The following PLBD2 variants were observed in gnomAD, a reference collection of about 807,000 sequenced individuals.
PLBD2 encodes putative aminopeptidase PLBD2.
In PLBD2, 51 loss-of-function variants were observed where a neutral mutation model predicts 68.3. The observed-to-expected ratio is 0.75, with a 90% CI of 0.60 to 0.94. The LOEUF (loss-of-function observed/expected upper bound fraction) is 0.94, where lower values mean the gene tolerates loss of function less well. Among genes scored for constraint, PLBD2 ranks in the 40% least tolerant of loss-of-function variants. PLBD2 has a pLI of 0.00. For missense variants in PLBD2, 729 were observed against 792.2 expected, an observed-to-expected ratio of 0.92 and a Z score of 0.96; for synonymous variants, 314 against 339.3, an observed-to-expected ratio of 0.93 and a Z score of 0.82.
Position 113,384,368 on chromosome 12 carries a change from C to T in PLBD2, c.1118+103C>T. 2 of 1,388,830 alleles carry T rather than the reference C, an allele frequency of 1.4e-6. No individual in the cohort carries two copies. Among genetic ancestry groups the T allele is most frequent in the South Asian group, 1.4e-5 (1 of 73,106 alleles). 86.0% of individuals were successfully genotyped at this position (1,388,830 alleles called of 1,614,324 possible). A position where few individuals can be genotyped will look rare whatever the true frequency, so the allele number is the denominator to read the frequency against. ...GGGACCAGATGTGGCATCCGGGCCA[C>T]ACACCCCACGCCCTCCTTTGTTTCA... On this transcript the variant is annotated intron_variant, in intron 7 of 11. Transcript: ENST00000280800. This position sits in a 1 kb window ranked among gnomAD's most constrained non-coding sequence, Gnocchi z 4.2.
Position 113,380,747 on chromosome 12 carries a change from G to T in PLBD2, c.862G>T (p.Asp288Tyr). Reference protein sequence around the residue: ...WLQFREGPWGDYPLVPGNKLV... With the variant: ...WLQFREGPWGYYPLVPGNKLV... ...CCTGGCTCGCTCTGCCTGCACAGGG[G>T]ACTACCCGCTGGTTCCCGGCAACAA... The change falls in exon 6 of 12, where the codon GAC becomes TAC. Residue 288 changes from aspartate to tyrosine, a missense_variant and splice_region_variant. Transcript: ENST00000280800. 6.5e-7 allele frequency: 1 copy of T among 1,549,540 alleles called. No homozygotes were observed. Among genetic ancestry groups the T allele is most frequent in the Non-Finnish European group, 8.7e-7 (1 of 1,147,102 alleles).
At chr12:113,370,912 C>T (rs571481367) in intron 2 of PLBD2, among the ~76,000 whole-genome samples, 1 of 152,128 alleles carries the variant, frequency 6.6e-6, no homozygotes, top group African/African-American at 2.4e-5. Context: ...AACCAGTGGC[C>T]CAAAGGCAGA....
intron 6 of PLBD2, among the ~76,000 whole-genome samples, chr12:113,383,043 C>T (rs1037020510): frequency 6.6e-6 from 1 of 151,918 alleles, no homozygotes; most frequent in Non-Finnish European, 1.5e-5. Flanking sequence ...TTTTAACTCA[C>T]AAGAACTAAG....
intron 2 of PLBD2, among the ~76,000 whole-genome samples, chr12:113,369,515 G>A (rs1360620331): frequency 6.6e-6 from 1 of 152,098 alleles, no homozygotes; most frequent in East Asian, 1.9e-4. Context: ...CAAAAGTAAG[G>A]GAGTAGGCAC....
Position 113,372,592 on chromosome 12 carries a change from C to T in PLBD2, c.385-57C>T. On this transcript the variant is annotated intron_variant, in intron 2 of 11. Transcript: ENST00000280800. The surrounding 1 kb of genome is among the most constrained non-coding windows in gnomAD (Gnocchi z 4.2). ...TGGGGCAGCCTGGGTGGGGGGCTCT[C>T]AGGGAAGAGAGCACCCCAGCTGCCC... is the stretch of plus-strand genomic sequence containing the variant. 6.4e-7 allele frequency: 1 copy of T among 1,573,034 alleles called. No individual in the cohort carries two copies. Among genetic ancestry groups the T allele is most frequent in the East Asian group, 2.3e-5 (1 of 44,388 alleles).
chr12:113,384,157 T>A lies in PLBD2; in HGVS notation c.1010T>A (p.Val337Glu). ...GNKNPALWKYVRPRGCVLEWV... is the reference protein window; with the variant it reads ...GNKNPALWKYERPRGCVLEWV... ...AAGAACCCAGCCCTGTGGAAGTATG[T>A]GCGGCCCAGGGGCTGTGTGCTGGAG... The change falls in exon 7 of 12, where the codon GTG (valine) becomes GAG (glutamate). Residue 337 changes from valine (V) to glutamate (E), a missense_variant. By Grantham distance (121) the Val-to-Glu change is moderately radical. Transcript: ENST00000280800. This position sits in a 1 kb window ranked among gnomAD's most constrained non-coding sequence, Gnocchi z 4.2. The A allele has an allele frequency of 6.2e-7, 1 of 1,613,880 alleles. No homozygotes were observed. Among genetic ancestry groups the A allele is most frequent in the Non-Finnish European group, 8.5e-7 (1 of 1,179,926 alleles).
chr12:113,358,817 C>A lies in PLBD2; in HGVS notation c.217C>A (p.Leu73Met). The A allele has an allele frequency of 6.7e-7, 1 of 1,500,964 alleles. No individual in the cohort carries two copies. Among genetic ancestry groups the A allele is most frequent in the African/African-American group, 1.5e-5 (1 of 68,428 alleles). 93.0% of individuals were successfully genotyped at this position (1,500,964 alleles called of 1,614,324 possible). Residue 73 changes from leucine to methionine, a missense_variant, in exon 1 of 12, where the codon CTG becomes ATG. Leu to Met is a conservative substitution (Grantham distance 15). Coordinates refer to ENST00000280800, the MANE Select transcript of PLBD2 (RefSeq NM_173542.4). ...GCTCCTGGACGTCTCGGCGGGCCAG[C>A]TGCTTATGGTGGACGGACGCCACCC... ...SVLLDVSAGQ[L>M]LMVDGRHPDA...
intron 10 of PLBD2, 137 bp from the exon 11 acceptor site, chr12:113,387,607 G>A (rs116313302): frequency 1.8e-5 from 17 of 932,718 alleles, no homozygotes; most frequent in East Asian, 2.4e-5. Flanking sequence ...AGGAACTGTC[G>A]GGGGTAGTGT....
chr12:113,359,715 A>G (rs962068863), intron 1 of PLBD2, among the ~76,000 whole-genome samples: 2 of 152,184 alleles, frequency 1.3e-5, no homozygotes, highest in Admixed American at 1.3e-4. Flanking sequence ...GCTTGTGCCC[A>G]TTCATTTATT....
chr12:113,384,872 C>T lies in PLBD2; in HGVS notation c.1140C>T (p.Ile380=), dbSNP rs1481565030. The change falls in exon 8 of 12, where the codon ATC becomes ATT. Residue 380 remains isoleucine, a synonymous_variant. Transcript: ENST00000280800. This position sits in a 1 kb window ranked among gnomAD's most constrained non-coding sequence, Gnocchi z 4.2. ...GCAGGTATAACAACCAGTGGATGAT[C>T]GTGGACTACAAGGCGTTCATCCCGG... The part of the protein sequence containing the change: ...NSGTYNNQWM[I]VDYKAFIPGG... 1.5e-5 allele frequency: 24 copies of T among 1,564,850 alleles called. No homozygotes were observed. The highest frequency in any genetic ancestry group is 2.2e-5 in the South Asian group (2 of 90,446).
intron 6 of PLBD2, among the ~76,000 whole-genome samples, chr12:113,381,501 G>C (rs1957490333): frequency 6.6e-6 from 1 of 152,196 alleles, no homozygotes; most frequent in Admixed American, 6.5e-5. Context: ...TTAGCGCAGA[G>C]AACGCCAGCT....
rs1957565491 is a variant in PLBD2, at chr12:113,387,747, C to T, written c.1443C>T (p.Tyr481=). ...DMDSMVRLMR[Y]NDFLHDPLSL... ...TTCCCTCCTTTTCCCCATCCAGGTACAATGACTTCCTCCATGACCCTCTGT... is the reference window on the plus strand; with the variant it reads ...TTCCCTCCTTTTCCCCATCCAGGTATAATGACTTCCTCCATGACCCTCTGT... Residue 481 remains tyrosine (Y), a synonymous_variant, in exon 11 of 12, where the codon TAC becomes TAT. Transcript: ENST00000280800. 1 of 1,613,704 alleles carries T rather than the reference C, an allele frequency of 6.2e-7. No homozygotes were observed. Among genetic ancestry groups the T allele is most frequent in the East Asian group, 2.2e-5 (1 of 44,872 alleles).
chr12:113,359,426 G>C (rs1167449350), intron 1 of PLBD2: 1 of 152,654 alleles, frequency 6.6e-6, no homozygotes, highest in Non-Finnish European at 1.5e-5. Context: ...TAGTCCAAAA[G>C]CAGAGGGTCC....
rs1384462400 is a variant in PLBD2 at position 113,358,863 on chromosome 12, A to C, written c.263A>C (p.Asn88Thr). 3 of 1,525,436 alleles carry C rather than the reference A, an allele frequency of 2.0e-6. No homozygotes were observed. The highest frequency in any genetic ancestry group is 2.6e-6 in the Non-Finnish European group (3 of 1,138,896). The allele number at this position is 1,525,436 out of a possible 1,614,324, so 94.5% of individuals were successfully genotyped here. Residue 88 changes from asparagine to threonine, a missense_variant, in exon 1 of 12, where the codon AAC becomes ACC. By Grantham distance (65) the Asn-to-Thr change is moderately conservative (BLOSUM62 0). Coordinates refer to ENST00000280800, the MANE Select transcript of PLBD2 (RefSeq NM_173542.4). ...CACCCTGACGCCGTGGCCTGGGCCA[A>C]CCTCACCAACGCCATCCGCGAGACT... ...GRHPDAVAWANLTNAIRETGW... is the reference protein window; with the variant it reads ...GRHPDAVAWATLTNAIRETGW...
Position 113,387,884 on chromosome 12 carries a change from C to T in PLBD2, c.1580C>T (p.Ser527Phe), listed in dbSNP as rs754219372. ...SYPFQALRQRSHGGIDVKVTS... is the reference protein window; with the variant it reads ...SYPFQALRQRFHGGIDVKVTS... Reference sequence around the variant, plus strand: ...CCCTTCCAGGCCCTGCGTCAGCGCTCCCATGGGGGTATCGATGTGAAGGTG... The same window carrying T: ...CCCTTCCAGGCCCTGCGTCAGCGCTTCCATGGGGGTATCGATGTGAAGGTG... Residue 527 changes from serine (S) to phenylalanine (F), a missense_variant, in exon 11 of 12, where the codon TCC becomes TTC. By Grantham distance (155) the Ser-to-Phe change is radical (BLOSUM62 -2). Coordinates refer to ENST00000280800, the MANE Select transcript of PLBD2 (RefSeq NM_173542.4). 6.2e-7 allele frequency: 1 copy of T among 1,614,186 alleles called. No homozygotes were observed. Among genetic ancestry groups the T allele is most frequent in the Non-Finnish European group, 8.5e-7 (1 of 1,180,016 alleles).
intron 6 of PLBD2, among the ~76,000 whole-genome samples, chr12:113,381,843 A>G (rs1406351973): frequency 1.3e-5 from 2 of 151,736 alleles, no homozygotes; most frequent in East Asian, 1.9e-4. Context: ...TTTCATAGAG[A>G]TAGGGTCTCT....
chr12:113,385,245 G>C lies in PLBD2; in HGVS notation c.1248G>C (p.Glu416Asp), dbSNP rs199596979. The change falls in exon 9 of 12, where the codon GAG (glutamate) becomes GAC (aspartate). Residue 416 changes from glutamate to aspartate, a missense_variant. Physicochemically the swap from Glu to Asp is conservative, Grantham distance 45 (BLOSUM62 2). Coordinates refer to ENST00000280800, the MANE Select transcript of PLBD2 (RefSeq NM_173542.4). ...TGGTGGTGGCTGACAAGACCTCGGA[G>C]CTCTACCAGAAGACCTACTGGGCCA... ...GMVVVADKTS[E>D]LYQKTYWASY... The C allele has an allele frequency of 3.3e-4, 533 of 1,614,012 alleles. 2 individuals are homozygous for C. The highest frequency in any genetic ancestry group is 3.5e-4 in the Non-Finnish European group (412 of 1,180,018).
intron 1 of PLBD2, among the ~76,000 whole-genome samples, chr12:113,362,510 G>C (rs879247966): frequency 6.6e-6 from 1 of 151,672 alleles, no homozygotes; most frequent in Non-Finnish European, 1.5e-5. Flanking sequence ...TCTTTCAAGA[G>C]GCACCTTGAT....
At chr12:113,378,184 C>T (rs1421794927) in intron 5 of PLBD2, among the ~76,000 whole-genome samples, 1 of 151,940 alleles carries the variant, frequency 6.6e-6, no homozygotes, top group Non-Finnish European at 1.5e-5. Context: ...CCCAGCTACT[C>T]GGGAGGCTGA....
Sources: allele counts gnomAD v4.1 joint callset (sites outside exome capture counted in the v4.1 genomes callset), GRCh38; gene constraint gnomAD v4.1.1; non-coding constraint Gnocchi (gnomAD v3.1); transcripts MANE v1.5; gene names NCBI Gene and HGNC (gene_info 2026-07-23, HGNC 2026-07-21).